Variants in UBXN4 observed in about 807,000 individuals in gnomAD.
The protein encoded by UBXN4 is UBX domain protein 4.
UBXN4 carries 35 observed loss-of-function variants against 66.2 expected under a neutral mutation model. The ratio of observed to expected loss-of-function variants is 0.53; its 90% CI spans 0.40 to 0.70. The LOEUF is 0.70. Among genes scored for constraint, UBXN4 ranks in the 30% least tolerant of loss-of-function variants. The pLI is 0.00. For synonymous variants in UBXN4, 203 were observed against 204.5 expected (o/e 0.99, Z 0.06); for missense variants, 533 against 599.8 (o/e 0.89, Z 1.16).
intron 1 of UBXN4, among the ~76,000 whole-genome samples, chr2:135,746,732 AAG>A (rs1309091936): frequency 6.6e-6 from 1 of 152,172 alleles, no homozygotes; most frequent in Non-Finnish European, 1.5e-5. Flanking sequence ...TAGAAGGAAA[AAG>A]AATAGCAAGA....
intron 9 of UBXN4, among the ~76,000 whole-genome samples, chr2:135,774,509 T>C (rs1229329994): frequency 6.6e-6 from 1 of 152,132 alleles, no homozygotes. Flanking sequence ...AAATCGCACT[T>C]CCAAAATTTA....
chr2:135,769,397 GTTT>G (rs60241067), intron 6 of UBXN4, among the ~76,000 whole-genome samples: 1 of 147,246 alleles, frequency 6.8e-6, no homozygotes, highest in Non-Finnish European at 1.5e-5. Context: ...ATTTTTACAG[GTTT>G]TTTTTTTTTT....
chr2:135,782,781 G>T lies in UBXN4; in HGVS notation c.1421G>T (p.Arg474Leu), dbSNP rs764221227. 4 of 1,613,924 alleles carry T rather than the reference G, an allele frequency of 2.5e-6. No homozygotes were observed. The East Asian group carries it at 8.9e-5, about 36-fold the overall frequency. ...GTGAGAAAAAGAGTGCTGGAAAAAC[G>T]TGGAGACGACTTTAAAAAGGAGGGG... ...EPVRKRVLEK[R>L]GDDFKKEGKI... The change falls in exon 13 of 13, where the codon CGT (arginine) becomes CTT (leucine). Residue 474 changes from arginine to leucine, a missense_variant. Arg to Leu is a moderately radical substitution (Grantham distance 102). Around this residue, in one of 2 missense-constraint regions of UBXN4, gnomAD observed 529 missense variants for 580.1 expected, o/e 0.91. Transcript: ENST00000272638.
chr2:135,757,312 G>A (rs2077284246), intron 5 of UBXN4, among the ~76,000 whole-genome samples: 1 of 152,090 alleles, frequency 6.6e-6, no homozygotes, highest in African/African-American at 2.4e-5. Flanking sequence ...ATAAAATTAT[G>A]TTATACATTT....
At chr2:135,757,871 C>T (rs1294286945) in intron 5 of UBXN4, among the ~76,000 whole-genome samples, 7 of 151,706 alleles carry the variant, frequency 4.6e-5, no homozygotes, top group African/African-American at 1.7e-4. Context: ...TTGCTTAAGC[C>T]CAGGAGTTTG....
At chr2:135,752,780 G>A (rs1480630455) in intron 2 of UBXN4, among the ~76,000 whole-genome samples, 6 of 152,076 alleles carry the variant, frequency 3.9e-5, no homozygotes, top group African/African-American at 9.7e-5. Flanking sequence ...GAGTGCAGTG[G>A]CGCGATCTTG....
intron 2 of UBXN4, 22 bp from the exon 3 acceptor site, chr2:135,753,517 T>A (rs971578438): frequency 4.6e-6 from 7 of 1,518,106 alleles, no homozygotes; most frequent in Non-Finnish European, 5.2e-6. Flanking sequence ...ATCTAGTGAT[T>A]TTGTTTGATT....
chr2:135,763,107 G>A (rs891250167), intron 6 of UBXN4, among the ~76,000 whole-genome samples: 2 of 152,136 alleles, frequency 1.3e-5, no homozygotes, highest in South Asian at 2.1e-4. Flanking sequence ...ATTCATCTGC[G>A]TTCATGCCAA....
chr2:135,746,302 T>C (rs1216183814), intron 1 of UBXN4, among the ~76,000 whole-genome samples: 1 of 152,248 alleles, frequency 6.6e-6, no homozygotes, highest in African/African-American at 2.4e-5. Flanking sequence ...GGCATTTAGC[T>C]ATTCCACAGA....
In UBXN4 at chr2:135,782,887, GTGTGACAAGTATAATA is replaced by G; in HGVS notation, c.*5_*20del. 6.2e-7 allele frequency: 1 copy of G among 1,611,668 alleles called. No homozygotes were observed. On this transcript the variant is annotated 3_prime_UTR_variant, in exon 13 of 13. Transcript: ENST00000272638. ...ATGGAAATTCCACTCAACAGATGTA[GTGTGACAAGTATAATA>G]TGTGCAATAATCATTGTTTCTCTTA...
At chr2:135,772,254 C>A (rs1283207377) in intron 8 of UBXN4, among the ~76,000 whole-genome samples, 166 bp from the exon 9 acceptor site, 1 of 151,974 alleles carries the variant, frequency 6.6e-6, no homozygotes, top group Non-Finnish European at 1.5e-5. Flanking sequence ...CCCAGGTGTT[C>A]AGAGGCTGCA....
rs777088582 is a variant in UBXN4 at position 135,772,445 on chromosome 2, T to G, written c.848T>G (p.Phe283Cys). The change falls in exon 9 of 13, where the codon TTT (phenylalanine) becomes TGT (cysteine). Residue 283 changes from phenylalanine (F) to cysteine (C), a missense_variant. By Grantham distance (205) the Phe-to-Cys change is radical. Transcript: ENST00000272638. Reference protein sequence around the residue: ...ALDRAERAARFAKTKEEVEAA... With the variant: ...ALDRAERAARCAKTKEEVEAA... ...GACCGTGCAGAGAGAGCTGCTCGTTTTGCAAAGACAAAGGAAGAAGTAGAG... is the reference window on the plus strand; with the variant it reads ...GACCGTGCAGAGAGAGCTGCTCGTTGTGCAAAGACAAAGGAAGAAGTAGAG... The G allele has an allele frequency of 1.2e-6, 2 of 1,614,150 alleles. No homozygotes were observed. The highest frequency in any genetic ancestry group is 2.2e-5 in the South Asian group (2 of 91,082).
intron 6 of UBXN4, among the ~76,000 whole-genome samples, chr2:135,763,549 G>A (rs2077328668): frequency 6.6e-6 from 1 of 152,210 alleles, no homozygotes; most frequent in African/African-American, 2.4e-5. Flanking sequence ...CAGGGGCTGT[G>A]AGTGGTGGCT....
chr2:135,759,589 A>T (rs2105498534), intron 5 of UBXN4, among the ~76,000 whole-genome samples: 1 of 152,184 alleles, frequency 6.6e-6, no homozygotes, highest in Admixed American at 6.5e-5. Context: ...CAGCTTCATT[A>T]TTCTTTTTGA....
intron 6 of UBXN4, among the ~76,000 whole-genome samples, chr2:135,764,199 A>T (rs979459246): frequency 6.6e-6 from 1 of 152,214 alleles, no homozygotes; most frequent in Non-Finnish European, 1.5e-5. Context: ...CTTTCCTCTC[A>T]GGCTACAGTT....
chr2:135,759,766 AT>A (rs10660396), intron 5 of UBXN4, among the ~76,000 whole-genome samples: 158 of 93,462 alleles, frequency 1.7e-3, no homozygotes, highest in African/African-American at 3.5e-3. Flanking sequence ...TCAATCCAGA[AT>A]TTTTTTTTTT....
rs1260825373 is a variant in UBXN4 at position 135,741,884 on chromosome 2, C to T, written c.-46C>T. 10 of 1,580,636 alleles carry T rather than the reference C, an allele frequency of 6.3e-6. No homozygotes were observed. The South Asian group carries it at 1.1e-4, about 18-fold the overall frequency. Reference sequence around the variant, plus strand: ...ACGGAGGGCGGAGCCGGCTTCGGGACTGCGGAGACTACACACCGAGCGAGC... The same window carrying T: ...ACGGAGGGCGGAGCCGGCTTCGGGATTGCGGAGACTACACACCGAGCGAGC... On this transcript the variant is annotated 5_prime_UTR_variant, in exon 1 of 13. Transcript: ENST00000272638.
chr2:135,755,897 T>C (rs2077276600), intron 5 of UBXN4, among the ~76,000 whole-genome samples: 1 of 152,178 alleles, frequency 6.6e-6, no homozygotes, highest in African/African-American at 2.4e-5. Context: ...TCCCAAATAG[T>C]CAACAATCCA....
At chr2:135,780,685 T>C (rs1239370225) in intron 12 of UBXN4, among the ~76,000 whole-genome samples, 3 of 152,250 alleles carry the variant, frequency 2.0e-5, no homozygotes, top group Non-Finnish European at 4.4e-5. Flanking sequence ...GATTTTTTTT[T>C]CTAGTAACCT....
Sources: allele counts gnomAD v4.1 joint callset (sites outside exome capture counted in the v4.1 genomes callset), GRCh38; gene constraint gnomAD v4.1.1; regional missense constraint gnomAD v4.1.1; transcripts MANE v1.5; gene names NCBI Gene and HGNC (gene_info 2026-07-23, HGNC 2026-07-21).